Variants in MARCHF11 observed in about 807,000 individuals in gnomAD.
MARCHF11 encodes membrane associated ring-CH-type finger 11.
In MARCHF11, 29 loss-of-function variants were observed where a neutral mutation model predicts 37.3. That is an observed-to-expected ratio of 0.78 (90% confidence interval 0.58 to 1.06). MARCHF11 has a LOEUF of 1.06. Ranked by LOEUF, MARCHF11 falls within the 50% of genes least tolerant of loss-of-function variation. The pLI, the probability that MARCHF11 is intolerant of heterozygous loss-of-function variation, is 0.00. For synonymous variants in MARCHF11, 233 were observed against 228.0 expected (o/e 1.02, Z -0.20); for missense variants, 482 against 533.4 (o/e 0.90, Z 0.95).
intron 3 of MARCHF11, among the ~76,000 whole-genome samples, chr5:16,084,996 G>A (rs1736672103): frequency 1.5e-5 from 1 of 67,204 alleles, no homozygotes; most frequent in Admixed American, 2.3e-4. Flanking sequence ...CAGAGTGAGT[G>A]TGTGTGTGTG....
chr5:16,158,614 T>C (rs937229053), intron 2 of MARCHF11, among the ~76,000 whole-genome samples: 1 of 151,902 alleles, frequency 6.6e-6, no homozygotes, highest in African/African-American at 2.4e-5. Flanking sequence ...TCACAGAATA[T>C]AAAATAAGGG....
intron 3 of MARCHF11, among the ~76,000 whole-genome samples, chr5:16,077,960 T>G (rs138861780): frequency 6.6e-6 from 1 of 152,372 alleles, no homozygotes; most frequent in African/African-American, 2.4e-5. Flanking sequence ...CCATTTCTGA[T>G]CTAAAATCAG....
At chr5:16,078,350 G>A (rs1030388032) in intron 3 of MARCHF11, among the ~76,000 whole-genome samples, 3 of 152,168 alleles carry the variant, frequency 2.0e-5, no homozygotes, top group Non-Finnish European at 4.4e-5. Flanking sequence ...TGCTTAGAAT[G>A]TTGCCCAGAT....
At chr5:16,091,661 C>T (rs1250015879) in intron 2 of MARCHF11, among the ~76,000 whole-genome samples, 1 of 152,128 alleles carries the variant, frequency 6.6e-6, no homozygotes, top group African/African-American at 2.4e-5. Flanking sequence ...ATATTACTGA[C>T]TTTTTATTAT....
At chr5:16,080,365 C>A (rs1028320923) in intron 3 of MARCHF11, among the ~76,000 whole-genome samples, 2 of 152,154 alleles carry the variant, frequency 1.3e-5, no homozygotes, top group Non-Finnish European at 2.9e-5. Context: ...CTTCCTGTTT[C>A]TCCACCGTGT....
In MARCHF11 at chr5:16,067,457, A is replaced by G. The variant is rs751166612; in HGVS notation, c.*14T>C. The G allele has an allele frequency of 6.2e-7, 1 of 1,610,000 alleles. No homozygotes were observed. Among genetic ancestry groups the G allele is most frequent in the Non-Finnish European group, 8.5e-7 (1 of 1,176,802 alleles). On this transcript the variant is annotated 3_prime_UTR_variant, in exon 4 of 4. Transcript: ENST00000332432. The stretch of plus-strand genomic sequence containing the variant: ...TGTGCAGGGTGGTCCACACTGCATC[A>G]TCTTATGCTTTTGTCACACTGAAGT...
chr5:16,116,878 G>A (rs1158133022), intron 2 of MARCHF11, among the ~76,000 whole-genome samples: 1 of 152,220 alleles, frequency 6.6e-6, no homozygotes, highest in Non-Finnish European at 1.5e-5. Context: ...CAGAGAGTGG[G>A]AGGTGCTAAG....
intron 3 of MARCHF11, among the ~76,000 whole-genome samples, chr5:16,080,635 CT>C (rs1329697873): frequency 2.0e-5 from 3 of 152,310 alleles, no homozygotes; most frequent in African/African-American, 7.2e-5. Flanking sequence ...CAGTCAGCCT[CT>C]GTGAATGACA....
intron 2 of MARCHF11, among the ~76,000 whole-genome samples, chr5:16,127,739 G>C (rs1328444206): frequency 6.6e-6 from 1 of 152,212 alleles, no homozygotes; most frequent in Non-Finnish European, 1.5e-5. Flanking sequence ...TTGTAGGAGA[G>C]AAGAGGGGAG....
intron 2 of MARCHF11, among the ~76,000 whole-genome samples, chr5:16,108,755 C>T (rs992355493): frequency 1.2e-4 from 18 of 152,172 alleles, no homozygotes; most frequent in African/African-American, 1.7e-4. Flanking sequence ...CAACACAGAA[C>T]AAGACCAGTT....
rs554783705 is a variant in MARCHF11, at chr5:16,167,332, C to T, written c.693+10394G>A. 3.9e-5 allele frequency among the ~76,000 whole-genome samples: 6 copies of T among 152,214 alleles called. No homozygotes were observed. In the South Asian group the frequency reaches 1.2e-3, roughly 32 times the overall value. On this transcript the variant is annotated intron_variant, in intron 2 of 3. Transcript: ENST00000332432. ...ATGAGAATCAAGAGAGCTGAAAGCA[C>T]AGATCTGAAAGCCTACCAGTCCAAA...
chr5:16,078,397 A>G (rs924820067), intron 3 of MARCHF11, among the ~76,000 whole-genome samples: 26 of 152,116 alleles, frequency 1.7e-4, no homozygotes, highest in Non-Finnish European at 2.4e-4. Flanking sequence ...CTGGAGATGC[A>G]TTTTTAAAAA....
chr5:16,174,145 C>T (rs1738318163), intron 2 of MARCHF11, among the ~76,000 whole-genome samples: 1 of 152,192 alleles, frequency 6.6e-6, no homozygotes, highest in African/African-American at 2.4e-5. Flanking sequence ...ATGCTCCCAA[C>T]ATCTCAAAGT....
chr5:16,138,027 T>C (rs944396347), intron 2 of MARCHF11, among the ~76,000 whole-genome samples: 1 of 152,174 alleles, frequency 6.6e-6, no homozygotes, highest in South Asian at 2.1e-4. Flanking sequence ...AGCCTGACAA[T>C]GCAATAGAAA....
intron 2 of MARCHF11, among the ~76,000 whole-genome samples, chr5:16,171,098 T>TATTA (rs1738255281): frequency 6.6e-6 from 1 of 151,942 alleles, no homozygotes; most frequent in Admixed American, 6.6e-5. Context: ...GCATTTCTTT[T>TATTA]ATTTATTTAT....
intron 2 of MARCHF11, among the ~76,000 whole-genome samples, chr5:16,128,416 G>A (rs1454818667): frequency 6.6e-6 from 1 of 152,148 alleles, no homozygotes; most frequent in Non-Finnish European, 1.5e-5. Flanking sequence ...CTGGGTACTT[G>A]TGCACAGCTT....
intron 3 of MARCHF11, 44 bp from the exon 4 acceptor site, chr5:16,067,837 C>A (rs969953173): frequency 2.6e-6 from 4 of 1,531,044 alleles, no homozygotes; most frequent in Non-Finnish European, 3.5e-6. Context: ...TGGTGATAAT[C>A]CAAGGCTGGG....
At chr5:16,145,533 T>C (rs2126594368) in intron 2 of MARCHF11, among the ~76,000 whole-genome samples, 1 of 152,266 alleles carries the variant, frequency 6.6e-6, no homozygotes, top group Non-Finnish European at 1.5e-5. Context: ...GCCTCCAGTT[T>C]ATGGTATTTT....
chr5:16,079,333 A>G (rs1286408890), intron 3 of MARCHF11, among the ~76,000 whole-genome samples: 1 of 152,060 alleles, frequency 6.6e-6, no homozygotes, highest in Non-Finnish European at 1.5e-5. Context: ...GAGGCCCTAG[A>G]CCGCATGATC....
Sources: allele counts gnomAD v4.1 joint callset (sites outside exome capture counted in the v4.1 genomes callset), GRCh38; gene constraint gnomAD v4.1.1; transcripts MANE v1.5; gene names NCBI Gene and HGNC (gene_info 2026-07-23, HGNC 2026-07-21).